LRRC1: variants seen among roughly 807,000 people sequenced by gnomAD.
LRRC1 encodes the protein leucine-rich repeat-containing protein 1.
A neutral mutation model predicts 69.9 loss-of-function variants in LRRC1; 28 were observed. The observed-to-expected ratio is 0.40, with a 90% CI of 0.30 to 0.55. The LOEUF (loss-of-function observed/expected upper bound fraction) is 0.55. LRRC1 is among the 20% of genes least tolerant of loss of function. The pLI, the probability that LRRC1 is intolerant of heterozygous loss-of-function variation, is 0.47. For missense variants in LRRC1, 498 were observed against 609.0 expected, an observed-to-expected ratio of 0.82 and a Z score of 1.92; for synonymous variants, 236 against 240.2, an observed-to-expected ratio of 0.98 and a Z score of 0.16.
intron 1 of LRRC1, among the ~76,000 whole-genome samples, chr6:53,807,930 G>A (rs1392544027): frequency 6.6e-6 from 1 of 152,194 alleles, no homozygotes; most frequent in Non-Finnish European, 1.5e-5. Flanking sequence ...GGATGAACTT[G>A]GTGAGTTTAT....
At chr6:53,864,973 C>T (rs1766649556) in intron 2 of LRRC1, among the ~76,000 whole-genome samples, 1 of 152,086 alleles carries the variant, frequency 6.6e-6, no homozygotes, top group South Asian at 2.1e-4. Context: ...ATAAAGTGTC[C>T]ATATGGCTGA....
intron 11 of LRRC1, among the ~76,000 whole-genome samples, chr6:53,915,458 A>G (rs1165856695): frequency 1.3e-5 from 2 of 152,194 alleles, no homozygotes; most frequent in Non-Finnish European, 2.9e-5. Context: ...TGAACTAAGC[A>G]GAACTAAGGC....
chr6:53,896,669 A>T, intron 5 of LRRC1, 115 bp downstream of exon 5: 2 of 1,093,492 alleles, frequency 1.8e-6, no homozygotes, highest in South Asian at 1.4e-5. Flanking sequence ...AGTTTGGGGG[A>T]TGCCAGCCGG....
chr6:53,871,801 G>A (rs779025803), intron 2 of LRRC1, among the ~76,000 whole-genome samples: 9 of 152,108 alleles, frequency 5.9e-5, no homozygotes, highest in Non-Finnish European at 8.8e-5. Context: ...CTGAGTAGCC[G>A]GGATTACAGG....
intron 8 of LRRC1, among the ~76,000 whole-genome samples, chr6:53,902,203 C>T (rs137917926): frequency 1.9e-4 from 29 of 152,266 alleles, no homozygotes; most frequent in African/African-American, 5.8e-4. Context: ...GTAGAAATAC[C>T]GCACTGTAGG....
chr6:53,896,427 A>G, intron 4 of LRRC1, 71 bp from the exon 5 acceptor site: 1 of 1,275,776 alleles, frequency 7.8e-7, no homozygotes, highest in Non-Finnish European at 1.1e-6. Context: ...CAGTGTGTGT[A>G]TGGGGGAAGG....
chr6:53,910,713 T>C (rs1768380545), intron 10 of LRRC1, among the ~76,000 whole-genome samples: 1 of 152,260 alleles, frequency 6.6e-6, no homozygotes, highest in African/African-American at 2.4e-5. Flanking sequence ...TTAATCATTA[T>C]TGTTACTTTT....
chr6:53,805,185 C>T (rs1480015641), intron 1 of LRRC1, among the ~76,000 whole-genome samples: 1 of 152,124 alleles, frequency 6.6e-6, no homozygotes, highest in East Asian at 1.9e-4. Flanking sequence ...ATGTGCATGC[C>T]AAGAGTTGCT....
chr6:53,877,456 GT>G (rs891204070), intron 2 of LRRC1, among the ~76,000 whole-genome samples: 8 of 151,368 alleles, frequency 5.3e-5, no homozygotes, highest in South Asian at 2.1e-4. Flanking sequence ...CTCAGAAAAT[GT>G]TTTTTTTTCT....
intron 2 of LRRC1, among the ~76,000 whole-genome samples, chr6:53,871,754 G>C (rs1356056936): frequency 6.6e-6 from 1 of 152,080 alleles, no homozygotes; most frequent in African/African-American, 2.4e-5. Flanking sequence ...TGCAACCTCT[G>C]CCTCCCAGGT....
At chr6:53,900,028 T>TG (rs1562066426) in intron 8 of LRRC1, 137 bp downstream of exon 8, 54 of 200,640 alleles carry the variant, frequency 2.7e-4, no homozygotes, top group Non-Finnish European at 3.4e-4. Context: ...CTGTTTTTTT[T>TG]TTTTTTTTTT....
rs59865937 is a variant in LRRC1, at chr6:53,919,477, T to TAA, written c.1107-5_1107-4dup. On this transcript the variant is annotated intron_variant, in intron 11 of 13. Transcript: ENST00000370888. Reference sequence around the variant, plus strand: ...TTTGAGGTTGTGATGTCTCTTTTTTTAAAAAAAAAAAAAAAAACAGGTTGC... The same window carrying TAA: ...TTTGAGGTTGTGATGTCTCTTTTTTTAAAAAAAAAAAAAAAAAAACAGGTTGC... 2,091 of 1,252,946 alleles carry TAA rather than the reference T, an allele frequency of 1.7e-3. 3 individuals are homozygous for TAA. The highest frequency in any genetic ancestry group is 0.011 in the African/African-American group (690 of 60,624). 77.6% of individuals were successfully genotyped at this position (1,252,946 alleles called of 1,614,324 possible). A position where few individuals can be genotyped will look rare whatever the true frequency, so the allele number is the denominator to read the frequency against.
intron 11 of LRRC1, chr6:53,919,198 C>T (rs1284031183): frequency 5.3e-6 from 1 of 189,960 alleles, no homozygotes; most frequent in Non-Finnish European, 1.0e-5. Context: ...TAGTACAAGA[C>T]CATAAAAATG....
intron 1 of LRRC1, among the ~76,000 whole-genome samples, chr6:53,837,602 T>C (rs1462622036): frequency 6.6e-6 from 1 of 152,170 alleles, no homozygotes; most frequent in East Asian, 1.9e-4. Context: ...TTTGAATTTG[T>C]AACAATGGTT....
chr6:53,859,011 TAC>T (rs1444376031), intron 2 of LRRC1, among the ~76,000 whole-genome samples: 2 of 152,216 alleles, frequency 1.3e-5, no homozygotes, highest in African/African-American at 4.8e-5. Context: ...TCTAGAAACT[TAC>T]TACGCACTCT....
chr6:53,822,161 C>G (rs1765135192), intron 1 of LRRC1, among the ~76,000 whole-genome samples: 1 of 152,064 alleles, frequency 6.6e-6, no homozygotes, highest in African/African-American at 2.4e-5. Context: ...GAGTACAGAT[C>G]CTTGACAAGA....
At chr6:53,883,313 C>T (rs1378724945) in intron 4 of LRRC1, among the ~76,000 whole-genome samples, 4 of 152,132 alleles carry the variant, frequency 2.6e-5, no homozygotes, top group African/African-American at 9.7e-5. Context: ...TAGAAACAAC[C>T]ACTCAGTAAT....
At chr6:53,836,621 G>A (rs1363496909) in intron 1 of LRRC1, among the ~76,000 whole-genome samples, 1 of 152,132 alleles carries the variant, frequency 6.6e-6, no homozygotes, top group African/African-American at 2.4e-5. Context: ...TAATTAGTAA[G>A]TAGTCTAAAA....
At position 53,865,049 on chromosome 6, in the gene LRRC1, G is replaced by A. The variant is rs184749359; in HGVS notation, c.278-13944G>A. 1.1e-3 allele frequency among the ~76,000 whole-genome samples: 170 copies of A among 152,238 alleles called. 1 individual carries two copies. The highest frequency in any genetic ancestry group is 3.8e-3 in the African/African-American group (159 of 41,482). ...CAGCTGGAGCACAGGCGCCAGCTCA[G>A]CATCGGCCAGGATGAGCCATAGTGC... On this transcript the variant is annotated intron_variant, in intron 2 of 13. Coordinates refer to ENST00000370888, the MANE Select transcript of LRRC1 (RefSeq NM_018214.5).
Sources: allele counts gnomAD v4.1 joint callset (sites outside exome capture counted in the v4.1 genomes callset), GRCh38; gene constraint gnomAD v4.1.1; transcripts MANE v1.5; gene names NCBI Gene and HGNC (gene_info 2026-07-23, HGNC 2026-07-21).